Variants in GRIN2A observed in about 807,000 individuals in gnomAD.
GRIN2A encodes the protein glutamate ionotropic receptor NMDA type subunit 2A, also known as glutamate receptor ionotropic, NMDA 2A.
In GRIN2A, 22 loss-of-function variants were observed where a neutral mutation model predicts 113.4. The ratio of observed to expected loss-of-function variants is 0.19; its 90% CI spans 0.14 to 0.28. GRIN2A has a LOEUF of 0.28. Ranked by LOEUF, GRIN2A falls within the 10% of genes least tolerant of loss-of-function variation. The pLI is 1.00. For missense variants in GRIN2A, 1,502 were observed against 1,887.0 expected (o/e 0.80, Z 3.78); for synonymous variants, 827 against 738.4 (o/e 1.12, Z -1.94).
chr16:9,988,201 A>G (rs2046017231), intron 2 of GRIN2A, among the ~76,000 whole-genome samples: 1 of 152,104 alleles, frequency 6.6e-6, no homozygotes, highest in African/African-American at 2.4e-5. Flanking sequence ...AAGAGTGAAG[A>G]AAAGGAGATG....
At chr16:9,975,252 C>A (rs536576802) in intron 2 of GRIN2A, among the ~76,000 whole-genome samples, 38 of 152,100 alleles carry the variant, frequency 2.5e-4, no homozygotes, top group Non-Finnish European at 3.8e-4. Context: ...ACACCTTTAA[C>A]CCTGGAACCT....
chr16:9,961,642 C>A (rs1596365593), intron 2 of GRIN2A, among the ~76,000 whole-genome samples: 1 of 152,190 alleles, frequency 6.6e-6, no homozygotes, highest in South Asian at 2.1e-4. Context: ...TAAAACTGCA[C>A]TTGCACCTCT....
At chr16:9,796,703 C>A (rs1454262375) in intron 11 of GRIN2A, among the ~76,000 whole-genome samples, 2 of 152,202 alleles carry the variant, frequency 1.3e-5, no homozygotes, top group Non-Finnish European at 2.9e-5. Flanking sequence ...AGCAGAAACA[C>A]GTGTGGAGCA....
chr16:9,844,538 C>G (rs540033195), intron 5 of GRIN2A, among the ~76,000 whole-genome samples: 2 of 152,272 alleles, frequency 1.3e-5, no homozygotes, highest in Non-Finnish European at 2.9e-5. Context: ...TCTCTTAGTG[C>G]TCCACCACCA....
At chr16:10,003,263 T>C (rs1179196577) in intron 2 of GRIN2A, among the ~76,000 whole-genome samples, 1 of 152,002 alleles carries the variant, frequency 6.6e-6, no homozygotes, top group Non-Finnish European at 1.5e-5. Context: ...GGGAGAGGCA[T>C]GGAATGGTCA....
At chr16:9,985,132 T>C (rs1449067108) in intron 2 of GRIN2A, among the ~76,000 whole-genome samples, 1 of 152,134 alleles carries the variant, frequency 6.6e-6, no homozygotes, top group Admixed American at 6.5e-5. Context: ...TGCCCAACTC[T>C]CTAGGTGTGC....
At chr16:10,069,144 A>C (rs1056463682) in intron 2 of GRIN2A, among the ~76,000 whole-genome samples, 7 of 152,142 alleles carry the variant, frequency 4.6e-5, no homozygotes, top group African/African-American at 1.4e-4. Flanking sequence ...CTGCAAAGGA[A>C]AGGATGAAGT....
chr16:10,093,632 A>G (rs931686746), intron 2 of GRIN2A, among the ~76,000 whole-genome samples: 3 of 149,342 alleles, frequency 2.0e-5, no homozygotes, highest in Admixed American at 6.7e-5. Flanking sequence ...AAAAAAAACA[A>G]AAAACCTTTT....
intron 3 of GRIN2A, among the ~76,000 whole-genome samples, chr16:9,905,934 T>C (rs2044020363): frequency 6.6e-6 from 1 of 152,200 alleles, no homozygotes; most frequent in African/African-American, 2.4e-5. Flanking sequence ...GTTGCTCAAC[T>C]TATACTTTGA....
intron 2 of GRIN2A, among the ~76,000 whole-genome samples, chr16:10,116,978 C>T (rs2048739783): frequency 6.6e-6 from 1 of 151,744 alleles, no homozygotes; most frequent in South Asian, 2.1e-4. Flanking sequence ...ATCTAAGCTT[C>T]AGGTGACCCT....
chr16:9,814,935 C>T (rs1021614639), intron 10 of GRIN2A, among the ~76,000 whole-genome samples: 2 of 151,264 alleles, frequency 1.3e-5, no homozygotes, highest in African/African-American at 4.9e-5. Flanking sequence ...GCAGGAGAAT[C>T]GCTTGAACCC....
At chr16:10,083,062 C>A (rs1315424613) in intron 2 of GRIN2A, among the ~76,000 whole-genome samples, 2 of 152,176 alleles carry the variant, frequency 1.3e-5, no homozygotes, top group African/African-American at 4.8e-5. Flanking sequence ...GGAAGAGGAA[C>A]AAGTTTCTCT....
At chr16:10,092,520 T>C (rs958176491) in intron 2 of GRIN2A, among the ~76,000 whole-genome samples, 66 of 152,300 alleles carry the variant, frequency 4.3e-4, no homozygotes, top group African/African-American at 1.5e-3. Flanking sequence ...TAAGCATTAT[T>C]TTTTTCTCTC....
intron 3 of GRIN2A, among the ~76,000 whole-genome samples, chr16:9,912,819 C>A (rs1010748034): frequency 6.6e-6 from 1 of 152,226 alleles, no homozygotes; most frequent in African/African-American, 2.4e-5. Context: ...AGCCAAGGAA[C>A]AAATGCTATT....
chr16:10,080,675 A>G (rs2142054919), intron 2 of GRIN2A, among the ~76,000 whole-genome samples: 1 of 152,304 alleles, frequency 6.6e-6, no homozygotes, highest in South Asian at 2.1e-4. Context: ...GGAGCGATGG[A>G]GTACAGATGA....
intron 11 of GRIN2A, among the ~76,000 whole-genome samples, chr16:9,788,122 A>T (rs1280332153): frequency 1.3e-5 from 2 of 152,218 alleles, no homozygotes; most frequent in Non-Finnish European, 2.9e-5. Context: ...TGCACAGGCT[A>T]AACATTGCCT....
chr16:9,761,747 A>G lies in GRIN2A; in HGVS notation c.*1402T>C, dbSNP rs971048999. 1 of 216,166 alleles carries G rather than the reference A, an allele frequency of 4.6e-6. No homozygotes were observed. The highest frequency in any genetic ancestry group is 5.8e-5 in the Admixed American group (1 of 17,190). 13.4% of individuals were successfully genotyped at this position (216,166 alleles called of 1,614,324 possible). ...AAAAATGGATATCATTTCATGTCAT[A>G]TATGCACAGGTTTGAGGAGAATAAG... On this transcript the variant is annotated 3_prime_UTR_variant, in exon 13 of 13. Coordinates refer to ENST00000330684, the MANE Select transcript of GRIN2A (RefSeq NM_001134407.3).
chr16:9,938,053 A>T lies in GRIN2A; in HGVS notation c.913T>A (p.Ser305Thr), dbSNP rs1283765213. 6.2e-7 allele frequency: 1 copy of T among 1,614,056 alleles called. No homozygotes were observed. Among genetic ancestry groups the T allele is most frequent in the Non-Finnish European group, 8.5e-7 (1 of 1,179,966 alleles). ...ATGTAGGAGAACTTCTCCAGCATAG[A>T]AGATGCAGCGGTGGTTAGGATGCCA... The part of the protein sequence containing the change: ...GIGILTTAAS[S>T]MLEKFSYIPE... Residue 305 changes from serine (S) to threonine (T), a missense_variant, in exon 3 of 13, where the codon TCT becomes ACT. By Grantham distance (58) the Ser-to-Thr change is moderately conservative (BLOSUM62 1). Transcript: ENST00000330684.
intron 2 of GRIN2A, among the ~76,000 whole-genome samples, chr16:9,962,265 A>G (rs11860937): frequency 0.016 from 2,468 of 152,338 alleles, 68 homozygotes; most frequent in African/African-American, 0.057. Flanking sequence ...CACAAATGGG[A>G]TCTAATTAAA....
Sources: allele counts gnomAD v4.1 joint callset (sites outside exome capture counted in the v4.1 genomes callset), GRCh38; gene constraint gnomAD v4.1.1; transcripts MANE v1.5; gene names NCBI Gene and HGNC (gene_info 2026-07-23, HGNC 2026-07-21).